ADARB1: variants seen among roughly 807,000 people sequenced by gnomAD.
ADARB1 encodes the protein adenosine deaminase RNA specific B1.
In ADARB1, 10 loss-of-function variants were observed where a neutral mutation model predicts 52.4. The observed-to-expected ratio is 0.19, with a 90% CI of 0.12 to 0.32. The LOEUF (loss-of-function observed/expected upper bound fraction) is 0.32. Among genes scored for constraint, ADARB1 ranks in the 10% least tolerant of loss-of-function variants. The pLI, the probability that ADARB1 is intolerant of heterozygous loss-of-function variation, is 1.00. For missense variants in ADARB1, 643 were observed against 922.3 expected, an observed-to-expected ratio of 0.70 and a Z score of 3.92; for synonymous variants, 349 against 371.1, an observed-to-expected ratio of 0.94 and a Z score of 0.68.
At chr21:45,214,051 C>A (rs186583759) in intron 9 of ADARB1, among the ~76,000 whole-genome samples, 182 of 152,328 alleles carry the variant, frequency 1.2e-3, no homozygotes, top group African/African-American at 4.3e-3. Flanking sequence ...TATGCCGGCA[C>A]GCAGTACGAG....
intron 2 of ADARB1, among the ~76,000 whole-genome samples, chr21:45,149,006 C>G (rs533042470): frequency 6.6e-6 from 1 of 152,354 alleles, no homozygotes; most frequent in Non-Finnish European, 1.5e-5. Flanking sequence ...TGCTGAGTCT[C>G]TATGGCTTTC....
Position 45,222,293 on chromosome 21 carries a change from G to A in ADARB1, c.*96G>A, listed in dbSNP as rs2092980218. On this transcript the variant is annotated 3_prime_UTR_variant, in exon 11 of 11. Transcript: ENST00000348831. ...GAACTGGGGGCAGGTGCATACCTTG[G>A]GGAGGGAGTAGGGGGACACGGGGGA... 1 of 1,425,504 alleles carries A rather than the reference G, an allele frequency of 7.0e-7. No homozygotes were observed. Among genetic ancestry groups the A allele is most frequent in the African/African-American group, 1.5e-5 (1 of 68,700 alleles). The allele number at this position is 1,425,504 out of a possible 1,614,324, so 88.3% of individuals were successfully genotyped here.
Position 45,205,544 on chromosome 21 carries a change from C to T in ADARB1, c.1747+808C>T, listed in dbSNP as rs866553499. On this transcript the variant is annotated intron_variant, in intron 9 of 10. Coordinates refer to ENST00000348831, the MANE Select transcript of ADARB1 (RefSeq NM_001112.4). ...CTCCCTGGAGAGGCCCTGTTGGCTC[C>T]GAGAGATGGTGACAGGTGGAACCAG... is the stretch of plus-strand genomic sequence containing the variant. Among the ~76,000 whole-genome samples the T allele has an allele frequency of 6.6e-5, 10 of 152,290 alleles. No homozygotes were observed. In the South Asian group the frequency reaches 1.2e-3, roughly 19 times the overall value.
rs147887845 is a variant in ADARB1, at chr21:45,197,012, C to T, written c.1566-7543C>T. Reference sequence around the variant, plus strand: ...TTCGAAACCAGCCTGGCCAACATGACGAAACCCCATCTCTACTAAAAATAC... The same window carrying T: ...TTCGAAACCAGCCTGGCCAACATGATGAAACCCCATCTCTACTAAAAATAC... On this transcript the variant is annotated intron_variant, in intron 8 of 10. Transcript: ENST00000348831. 3.2e-3 allele frequency among the ~76,000 whole-genome samples: 488 copies of T among 151,404 alleles called. 2 individuals carry two copies. The highest frequency in any genetic ancestry group is 0.011 in the African/African-American group (434 of 41,226).
intron 1 of ADARB1, among the ~76,000 whole-genome samples, chr21:45,107,367 G>T (rs922308765): frequency 7.9e-5 from 12 of 152,086 alleles, no homozygotes; most frequent in African/African-American, 2.9e-4. Flanking sequence ...GGCTGGACAT[G>T]TCGATTCTAA....
At chr21:45,152,310 C>T (rs528680019) in intron 2 of ADARB1, among the ~76,000 whole-genome samples, 9 of 133,844 alleles carry the variant, frequency 6.7e-5, no homozygotes, top group South Asian at 2.3e-4. Context: ...TCACGGCTGT[C>T]GTTCTCTCCC....
Position 45,223,940 on chromosome 21 carries a change from G to A in ADARB1, c.*1743G>A, listed in dbSNP as rs2093010904. 2.0e-6 allele frequency: 2 copies of A among 985,592 alleles called. No individual in the cohort carries two copies. The highest frequency in any genetic ancestry group is 1.1e-4 in the East Asian group (1 of 8,794). The allele number at this position is 985,592 out of a possible 1,614,324, so 61.1% of individuals were successfully genotyped here. A position where few individuals can be genotyped will look rare whatever the true frequency, so the allele number is the denominator to read the frequency against. The stretch of plus-strand genomic sequence containing the variant: ...AGCAGCCTCCTCCTCCACCGAAGAG[G>A]GTAGTTGTCTCCCTGAAGCAGTCAC... On this transcript the variant is annotated 3_prime_UTR_variant, in exon 11 of 11. Coordinates refer to ENST00000348831, the MANE Select transcript of ADARB1 (RefSeq NM_001112.4).
chr21:45,075,303 G>A, intron 1 of ADARB1, among the ~76,000 whole-genome samples: 1 of 151,322 alleles, frequency 6.6e-6, no homozygotes, highest in African/African-American at 2.4e-5. Flanking sequence ...TCCCTGGGGA[G>A]ACGCTCCGCC....
intron 5 of ADARB1, among the ~76,000 whole-genome samples, 154 bp from the exon 6 acceptor site, chr21:45,182,431 A>G (rs1037342549): frequency 5.9e-5 from 9 of 152,228 alleles, no homozygotes; most frequent in Non-Finnish European, 1.0e-4. Context: ...CACTTAAAAA[A>G]TAGGTGGTAA....
chr21:45,159,617 G>C (rs2090856237), intron 2 of ADARB1, among the ~76,000 whole-genome samples: 1 of 152,192 alleles, frequency 6.6e-6, no homozygotes, highest in African/African-American at 2.4e-5. Context: ...GAGCATACAA[G>C]AGGGGTGGCC....
intron 2 of ADARB1, among the ~76,000 whole-genome samples, chr21:45,165,731 T>A (rs888266468): frequency 1.3e-5 from 2 of 152,240 alleles, no homozygotes; most frequent in African/African-American, 4.8e-5. Flanking sequence ...CAAATCATCT[T>A]TCAATTTTTT....
chr21:45,162,333 T>C (rs780193902), intron 2 of ADARB1, among the ~76,000 whole-genome samples: 4 of 152,180 alleles, frequency 2.6e-5, no homozygotes, highest in Admixed American at 6.5e-5. Flanking sequence ...TGCCTAGGTC[T>C]GCCCGTCTCG....
Position 45,222,720 on chromosome 21 carries a change from C to T in ADARB1, c.*523C>T, listed in dbSNP as rs987196900. ...TAGGAAATAGTAGCCTAAAGGAAAT[C>T]GCCACACGTCTGTCTAAACTTAGGT... On this transcript the variant is annotated 3_prime_UTR_variant, in exon 11 of 11. Coordinates refer to ENST00000348831, the MANE Select transcript of ADARB1 (RefSeq NM_001112.4). The T allele has an allele frequency of 7.9e-5, 78 of 985,912 alleles. No homozygotes were observed. The highest frequency in any genetic ancestry group is 3.7e-4 in the African/African-American group (21 of 57,202). The allele number at this position is 985,912 out of a possible 1,614,324, so 61.1% of individuals were successfully genotyped here.
At chr21:45,180,615 T>TC (rs2091897734) in intron 5 of ADARB1, among the ~76,000 whole-genome samples, 171 bp downstream of exon 5, 1 of 152,216 alleles carries the variant, frequency 6.6e-6, no homozygotes, top group African/African-American at 2.4e-5. Context: ...CAAGCTTTTT[T>TC]CCCAAAATGT....
At chr21:45,136,302 G>A (rs1412034733) in intron 2 of ADARB1, among the ~76,000 whole-genome samples, 2 of 152,186 alleles carry the variant, frequency 1.3e-5, no homozygotes, top group African/African-American at 4.8e-5. Flanking sequence ...CATGATGGGT[G>A]GGGAGACCCT....
chr21:45,130,540 A>G (rs138770792), intron 2 of ADARB1, among the ~76,000 whole-genome samples: 1 of 152,256 alleles, frequency 6.6e-6, no homozygotes, highest in African/African-American at 2.4e-5. Context: ...TTTCGGCAGC[A>G]AACAGTTTGG....
At position 45,142,270 on chromosome 21, in the gene ADARB1, T is replaced by C. The variant is rs1033303986; in HGVS notation, c.-48+13697T>C. ...TCAAATCGAACACCCGCTATACTCA[T>C]TTGAGAAGTGTAGACTTTGATTTTT... On this transcript the variant is annotated intron_variant, in intron 2 of 10. Coordinates refer to ENST00000348831, the MANE Select transcript of ADARB1 (RefSeq NM_001112.4). The surrounding 1 kb of genome is among the most constrained non-coding windows in gnomAD (Gnocchi z 4.0). 2.0e-5 allele frequency among the ~76,000 whole-genome samples: 3 copies of C among 152,206 alleles called. No individual in the cohort carries two copies. The highest frequency in any genetic ancestry group is 4.8e-5 in the African/African-American group (2 of 41,458).
At chr21:45,216,020 T>C (rs2092855645) in intron 9 of ADARB1, among the ~76,000 whole-genome samples, 1 of 152,206 alleles carries the variant, frequency 6.6e-6, no homozygotes, top group Non-Finnish European at 1.5e-5. Context: ...ATTCATGTTA[T>C]CTGTTTTTAT....
intron 7 of ADARB1, chr21:45,184,530 C>T (rs1601828713): frequency 2.8e-6 from 1 of 358,996 alleles, no homozygotes; most frequent in Non-Finnish European, 5.6e-6. Context: ...CTCACTGCAG[C>T]CTCGACCTCC....
Sources: gnomAD v4.1 joint callset for allele counts (sites outside exome capture counted in the v4.1 genomes callset) on GRCh38, gnomAD v4.1.1 for gene constraint, Gnocchi (gnomAD v3.1) non-coding constraint, MANE v1.5 for transcripts, NCBI Gene and HGNC (gene_info 2026-07-23, HGNC 2026-07-21) for gene names.